EZH2: variants seen among roughly 807,000 people sequenced by gnomAD.
EZH2 encodes the protein enhancer of zeste 2 polycomb repressive complex 2 subunit, also known as histone-lysine N-methyltransferase EZH2.
A neutral mutation model predicts 98.4 loss-of-function variants in EZH2; 18 were observed. That is an observed-to-expected ratio of 0.18 (90% confidence interval 0.13 to 0.27). The LOEUF (loss-of-function observed/expected upper bound fraction) is 0.27. Ranked by LOEUF, EZH2 falls within the 10% of genes least tolerant of loss-of-function variation. The pLI is 1.00. For missense variants in EZH2, 470 were observed against 935.1 expected (o/e 0.50, Z 6.49); for synonymous variants, 338 against 312.3 (o/e 1.08, Z -0.87).
intron 15 of EZH2, among the ~76,000 whole-genome samples, chr7:148,813,330 T>TAA (rs11357223): frequency 2.7e-5 from 4 of 146,106 alleles, no homozygotes; most frequent in South Asian, 2.2e-4. Context: ...TCATCTGCCC[T>TAA]AAAAAAAAAA....
intron 1 of EZH2, among the ~76,000 whole-genome samples, chr7:148,878,790 T>C (rs905333705): frequency 6.6e-6 from 1 of 151,902 alleles, no homozygotes; most frequent in Non-Finnish European, 1.5e-5. Context: ...TCCCAGCTAC[T>C]TGGGAGGCTG....
At chr7:148,812,703 T>TG (rs547083969) in intron 15 of EZH2, among the ~76,000 whole-genome samples, 6 of 152,084 alleles carry the variant, frequency 3.9e-5, no homozygotes, top group Non-Finnish European at 5.9e-5. Flanking sequence ...GTAAGTTGTT[T>TG]GGGGGGGAAA....
At chr7:148,831,865 T>G (rs1380855083) in intron 4 of EZH2, among the ~76,000 whole-genome samples, 1 of 152,248 alleles carries the variant, frequency 6.6e-6, no homozygotes. Flanking sequence ...ATGCTTCAGT[T>G]TCTCTTTAGC....
intron 1 of EZH2, among the ~76,000 whole-genome samples, chr7:148,869,118 C>T (rs989224620): frequency 2.0e-5 from 3 of 152,060 alleles, no homozygotes; most frequent in African/African-American, 7.2e-5. Context: ...AGATAATAGG[C>T]TTATAATCAG....
chr7:148,848,721 T>C (rs1229780779), intron 1 of EZH2, among the ~76,000 whole-genome samples: 1 of 152,182 alleles, frequency 6.6e-6, no homozygotes, highest in Non-Finnish European at 1.5e-5. Flanking sequence ...TATACAAATA[T>C]TATTAAATCC....
In EZH2 at chr7:148,884,232, G is replaced by C; in HGVS notation, c.-76C>G. The C allele has an allele frequency of 5.7e-6, 1 of 174,172 alleles. No individual in the cohort carries two copies. Among genetic ancestry groups the C allele is most frequent in the Non-Finnish European group, 1.2e-5 (1 of 81,316 alleles). The allele number at this position is 174,172 out of a possible 1,614,324, so 10.8% of individuals were successfully genotyped here. On this transcript the variant is annotated 5_prime_UTR_variant, in exon 1 of 20. Transcript: ENST00000320356. The stretch of plus-strand genomic sequence containing the variant: ...CCGCGCGCCGCCGCCGCCGCCGCCG[G>C]GGCTCCACTGCCTTCTGAGTCCCAC...
intron 3 of EZH2, 103 bp downstream of exon 3, chr7:148,846,367 G>T (rs1254713274): frequency 3.1e-6 from 4 of 1,270,788 alleles, no homozygotes; most frequent in Non-Finnish European, 4.3e-6. Flanking sequence ...TAAAAAGATG[G>T]ACACCCTGAG....
At chr7:148,872,657 T>C (rs1443423617) in intron 1 of EZH2, among the ~76,000 whole-genome samples, 2 of 152,174 alleles carry the variant, frequency 1.3e-5, no homozygotes, top group Admixed American at 1.3e-4. Flanking sequence ...GGCTATGACA[T>C]CAAAAAATAC....
chr7:148,828,929 A>G (rs779239638), intron 5 of EZH2, 49 bp from the exon 6 acceptor site: 1 of 1,544,366 alleles, frequency 6.5e-7, no homozygotes, highest in East Asian at 2.4e-5. Flanking sequence ...AATAATGTCA[A>G]AAGTTTATGT....
At chr7:148,883,456 G>C (rs999755120) in intron 1 of EZH2, 14 of 152,164 alleles carry the variant, frequency 9.2e-5, no homozygotes, top group African/African-American at 3.1e-4. Context: ...GGGGTGCGTC[G>C]TGGGGAAACG....
At chr7:148,845,681 A>C (rs1035362236) in intron 3 of EZH2, among the ~76,000 whole-genome samples, 3 of 152,252 alleles carry the variant, frequency 2.0e-5, no homozygotes, top group Non-Finnish European at 4.4e-5. Context: ...TCCATTGTTT[A>C]GGTGCTTCCC....
At chr7:148,809,011 G>C in intron 19 of EZH2, 60 bp downstream of exon 19, 9 of 1,388,286 alleles carry the variant, frequency 6.5e-6, no homozygotes, top group Non-Finnish European at 9.2e-6. Context: ...CCTTTGTCCA[G>C]AGTTCACAAT....
chr7:148,882,708 GCT>G (rs1211015850), intron 1 of EZH2, among the ~76,000 whole-genome samples: 4 of 152,156 alleles, frequency 2.6e-5, no homozygotes, highest in Non-Finnish European at 4.4e-5. Flanking sequence ...TTTATTAAAT[GCT>G]GTTTTATGAT....
intron 1 of EZH2, among the ~76,000 whole-genome samples, chr7:148,865,251 G>A (rs1818282006): frequency 6.6e-6 from 1 of 152,082 alleles, no homozygotes; most frequent in African/African-American, 2.4e-5. Context: ...AAAATGAAGG[G>A]GTAAGTCAAT....
At chr7:148,809,417 CA>C in intron 17 of EZH2, 27 bp from the exon 18 acceptor site, 1 of 1,549,908 alleles carries the variant, frequency 6.5e-7, no homozygotes, top group Non-Finnish European at 8.9e-7. Context: ...AAGCACAGCC[CA>C]GTGAATAATT....
At chr7:148,879,910 A>G (rs1820724872) in intron 1 of EZH2, among the ~76,000 whole-genome samples, 2 of 152,134 alleles carry the variant, frequency 1.3e-5, no homozygotes, top group Non-Finnish European at 2.9e-5. Context: ...TTTGAGATCA[A>G]CGTGGGCAAC....
intron 1 of EZH2, among the ~76,000 whole-genome samples, chr7:148,847,950 C>A (rs868451325): frequency 6.6e-6 from 1 of 152,176 alleles, no homozygotes; most frequent in Admixed American, 6.5e-5. Flanking sequence ...AAAGTAAATT[C>A]TTCTGCCTTA....
chr7:148,839,088 G>GGAAGGAAGGAAGGAAA (rs1811706975), intron 3 of EZH2, among the ~76,000 whole-genome samples: 10 of 140,770 alleles, frequency 7.1e-5, no homozygotes, highest in African/African-American at 2.0e-4. Context: ...AAGGAAGGAA[G>GGAAGGAAGGAAGGAAA]GAAGGAAGGA....
At chr7:148,839,052 A>AGAAGGAAGGAAG (rs1562997049) in intron 3 of EZH2, among the ~76,000 whole-genome samples, 2 of 31,126 alleles carry the variant, frequency 6.4e-5, no homozygotes, top group Admixed American at 3.4e-4. Context: ...ACTCTGTCAA[A>AGAAGGAAGGAAG]TAAGGAAGGA....
Sources: allele counts gnomAD v4.1 joint callset (sites outside exome capture counted in the v4.1 genomes callset), GRCh38; gene constraint gnomAD v4.1.1; transcripts MANE v1.5; gene names NCBI Gene and HGNC (gene_info 2026-07-23, HGNC 2026-07-21).